DNM1: variants seen among roughly 807,000 people sequenced by gnomAD.
DNM1 encodes the protein dynamin-1.
In DNM1, 29 loss-of-function variants were observed where a neutral mutation model predicts 104.6. That is an observed-to-expected ratio of 0.28 (90% CI 0.21 to 0.38). DNM1 has a LOEUF of 0.38. DNM1 is among the 10% of genes least tolerant of loss of function. The pLI, the probability that DNM1 is intolerant of heterozygous loss-of-function variation, is 1.00. For missense variants in DNM1, 640 were observed against 1,189.4 expected (o/e 0.54, Z 6.79); for synonymous variants, 445 against 475.8 (o/e 0.94, Z 0.84).
chr9:128,254,384 G>C lies in DNM1; in HGVS notation c.2535-270G>C. The C allele has an allele frequency of 7.1e-7, 1 of 1,410,668 alleles. No homozygotes were observed. The highest frequency in any genetic ancestry group is 9.2e-7 in the Non-Finnish European group (1 of 1,090,602). 87.4% of individuals were successfully genotyped at this position (1,410,668 alleles called of 1,614,324 possible). ...TGCGGGTGCCCTGCCTGGGTGCCGT[G>C]TGAGAGGCCAGCGTGTGTGGGGTGG... On this transcript the variant is annotated intron_variant, in intron 21 of 21. Coordinates refer to ENST00000372923, the MANE Select transcript of DNM1 (RefSeq NM_004408.4). This position sits in a 1 kb window ranked among gnomAD's most constrained non-coding sequence, Gnocchi z 6.1.
At position 128,250,309 on chromosome 9, in the gene DNM1, C is replaced by T. The variant is rs762520472; in HGVS notation, c.2271C>T (p.Pro757=). The change falls in exon 20 of 22, where the codon CCC becomes CCT. Residue 757 remains proline (P), a synonymous_variant. Transcript: ENST00000372923. ...TTTVSTPMPP[P]VDDSWLQVQS... ...CCGTCAGCACGCCCATGCCCCCGCC[C>T]GTGGACGACTCCTGGCTGCAGGTGC... The T allele has an allele frequency of 1.9e-6, 3 of 1,607,730 alleles. No homozygotes were observed. Among genetic ancestry groups the T allele is most frequent in the African/African-American group, 2.7e-5 (2 of 74,820 alleles).
Position 128,240,188 on chromosome 9 carries a change from G to A in DNM1, c.1557+192G>A, listed in dbSNP as rs740943. On this transcript the variant is annotated intron_variant, in intron 14 of 21. Transcript: ENST00000372923. The surrounding 1 kb of genome is among the most constrained non-coding windows in gnomAD (Gnocchi z 5.1). ...CATCCACCCGTCCATCTGTGTGCAC[G>A]AGCCAAGCACCTACTTCAGGCAGAG... Among the ~76,000 whole-genome samples the A allele has an allele frequency of 0.017, 2,654 of 152,266 alleles. 74 individuals carry two copies. Among genetic ancestry groups the A allele is most frequent in the African/African-American group, 0.06 (2,494 of 41,536 alleles).
chr9:128,246,890 G>T, intron 16 of DNM1: 1 of 273,622 alleles, frequency 3.7e-6, no homozygotes, highest in South Asian at 5.2e-5. Context: ...TGGAGCCAAA[G>T]GGCCCTAGTC....
chr9:128,226,283 C>A, intron 10 of DNM1: 1 of 1,490,386 alleles, frequency 6.7e-7, no homozygotes, highest in South Asian at 1.3e-5. Context: ...CCCGCAGGGA[C>A]CCAGCCCTAG....
intron 1 of DNM1, among the ~76,000 whole-genome samples, chr9:128,207,873 C>T (rs569791272): frequency 2.0e-5 from 3 of 152,016 alleles, no homozygotes; most frequent in African/African-American, 7.2e-5. Context: ...AGGATGGGGG[C>T]ACGGGTTGGG....
At chr9:128,215,589 G>A (rs2131136048) in intron 1 of DNM1, among the ~76,000 whole-genome samples, 1 of 152,290 alleles carries the variant, frequency 6.6e-6, no homozygotes, top group South Asian at 2.1e-4. Context: ...GGAGGCAGCA[G>A]GCAGCTGGCC....
intron 13 of DNM1, 24 bp from the exon 14 acceptor site, chr9:128,239,961 G>A (rs769649467): frequency 6.2e-7 from 1 of 1,614,070 alleles, no homozygotes; most frequent in Non-Finnish European, 8.5e-7. Context: ...GCCTCTCGTG[G>A]TTGCTATGGT....
At chr9:128,209,614 C>T (rs1043685102) in intron 1 of DNM1, among the ~76,000 whole-genome samples, 1 of 152,226 alleles carries the variant, frequency 6.6e-6, no homozygotes, top group African/African-American at 2.4e-5. Flanking sequence ...TTTCAGACTC[C>T]TTGGAGTTCC....
In DNM1 at chr9:128,246,422, T is replaced by C. The variant is rs1836817998; in HGVS notation, c.1700T>C (p.Val567Ala). ...EEKEKKYMLS[V>A]DNLKLRDVEK... ...AAAGAGAAGAAATACATGCTGTCTG[T>C]GGACAACCTCAAGCTGCGGGACGTG... The change falls in exon 16 of 22, where the codon GTG becomes GCG. Residue 567 changes from valine (V) to alanine (A), a missense_variant. Physicochemically the swap from Val to Ala is moderately conservative, Grantham distance 64. Transcript: ENST00000372923. The C allele has an allele frequency of 6.2e-6, 10 of 1,614,108 alleles. No homozygotes were observed. The East Asian group carries it at 2.0e-4, about 32-fold the overall frequency.
chr9:128,217,576 C>T (rs756528815), intron 1 of DNM1, among the ~76,000 whole-genome samples: 2 of 152,132 alleles, frequency 1.3e-5, no homozygotes, highest in Non-Finnish European at 2.9e-5. Context: ...GACACCCCGC[C>T]GGCTAATTTT....
intron 6 of DNM1, among the ~76,000 whole-genome samples, chr9:128,221,532 A>C (rs1835020319): frequency 6.6e-6 from 1 of 152,142 alleles, no homozygotes; most frequent in African/African-American, 2.4e-5. Context: ...AATGACCTTA[A>C]AGGAGGCTTT....
Position 128,203,721 on chromosome 9 carries a change from A to C in DNM1, c.161+90A>C. The C allele has an allele frequency of 1.6e-6, 2 of 1,241,810 alleles. No individual in the cohort carries two copies. Among genetic ancestry groups the C allele is most frequent in the Non-Finnish European group, 2.0e-6 (2 of 978,622 alleles). 76.9% of individuals were successfully genotyped at this position (1,241,810 alleles called of 1,614,324 possible). A position where few individuals can be genotyped will look rare whatever the true frequency, so the allele number is the denominator to read the frequency against. ...GGCACTGACGGCGCGGCGACCTCGC[A>C]GCCCCCGACGCTGCACCCGCGGCCG... On this transcript the variant is annotated intron_variant, in intron 1 of 21. Transcript: ENST00000372923. The surrounding 1 kb of genome is among the most constrained non-coding windows in gnomAD (Gnocchi z 5.3).
chr9:128,224,109 A>G lies in DNM1; in HGVS notation c.1197-142A>G, dbSNP rs1336237773. 4.7e-6 allele frequency: 5 copies of G among 1,060,232 alleles called. No homozygotes were observed. The Admixed American group carries it at 9.0e-5, about 19-fold the overall frequency. The allele number at this position is 1,060,232 out of a possible 1,614,324, so 65.7% of individuals were successfully genotyped here. A position where few individuals can be genotyped will look rare whatever the true frequency, so the allele number is the denominator to read the frequency against. On this transcript the variant is annotated intron_variant, in intron 9 of 21. Coordinates refer to ENST00000372923, the MANE Select transcript of DNM1 (RefSeq NM_004408.4). The surrounding 1 kb of genome is among the most constrained non-coding windows in gnomAD (Gnocchi z 4.3). Reference sequence around the variant, plus strand: ...TAGAACCCCTCCCTCCCATTTTACAACTGGGGACACTGAGGCCCAGAGAGG... The same window carrying G: ...TAGAACCCCTCCCTCCCATTTTACAGCTGGGGACACTGAGGCCCAGAGAGG...
rs1347642894 is a variant in DNM1 at position 128,245,625 on chromosome 9, C to T, written c.1672-769C>T. ...CTCTAGATAAATCAAACACACAGCC[C>T]ATTGTACCACGGTGTGCAGGTAAGA... On this transcript the variant is annotated intron_variant, in intron 15 of 21. Coordinates refer to ENST00000372923, the MANE Select transcript of DNM1 (RefSeq NM_004408.4). This position sits in a 1 kb window ranked among gnomAD's most constrained non-coding sequence, Gnocchi z 5.2. Among the ~76,000 whole-genome samples the T allele has an allele frequency of 6.6e-6, 1 of 152,112 alleles. No individual in the cohort carries two copies. The highest frequency in any genetic ancestry group is 1.5e-5 in the Non-Finnish European group (1 of 68,026).
intron 11 of DNM1, among the ~76,000 whole-genome samples, chr9:128,238,026 C>T (rs1836119611): frequency 1.3e-5 from 2 of 152,144 alleles, no homozygotes; most frequent in South Asian, 2.1e-4. Flanking sequence ...CCTCCTGCCT[C>T]GGCCTTCCAA....
chr9:128,225,532 C>G lies in DNM1; in HGVS notation c.1335+1143C>G, dbSNP rs114301985. Reference sequence around the variant, plus strand: ...AGGGAATGGTACTGAGGTTTGGAGTCAGGATGAAGCAAATTCTGGGACACT... The same window carrying G: ...AGGGAATGGTACTGAGGTTTGGAGTGAGGATGAAGCAAATTCTGGGACACT... On this transcript the variant is annotated intron_variant, in intron 10 of 21. Transcript: ENST00000372923. Among the ~76,000 whole-genome samples the G allele has an allele frequency of 6.9e-3, 1,051 of 152,294 alleles. 13 individuals carry two copies. The highest frequency in any genetic ancestry group is 0.024 in the African/African-American group (997 of 41,560).
chr9:128,247,353 C>T lies in DNM1; in HGVS notation c.1782-22C>T. 1 of 1,575,046 alleles carries T rather than the reference C, an allele frequency of 6.3e-7. No homozygotes were observed. Among genetic ancestry groups the T allele is most frequent in the Non-Finnish European group, 8.7e-7 (1 of 1,148,748 alleles). ...GGGTCAGACTTTGCCCATCTGCCCT[C>T]ACTGCCTGCCCTATCTTGCAGGAAT... is the stretch of plus-strand genomic sequence containing the variant. On this transcript the variant is annotated intron_variant, in intron 16 of 21. Coordinates refer to ENST00000372923, the MANE Select transcript of DNM1 (RefSeq NM_004408.4). This position sits in a 1 kb window ranked among gnomAD's most constrained non-coding sequence, Gnocchi z 5.1.
intron 10 of DNM1, chr9:128,233,636 TAG>T (rs1825428845): frequency 4.4e-6 from 1 of 226,442 alleles, no homozygotes; most frequent in African/African-American, 2.3e-5. Context: ...AGGCACAGGG[TAG>T]CCCTGAGTAT....
intron 14 of DNM1, among the ~76,000 whole-genome samples, chr9:128,241,420 T>C (rs1421797367): frequency 1.3e-5 from 2 of 152,204 alleles, no homozygotes; most frequent in African/African-American, 4.8e-5. Context: ...CTTAGCTTGT[T>C]ACTCTAGGCA....
Sources: gnomAD v4.1 joint callset for allele counts (sites outside exome capture counted in the v4.1 genomes callset) on GRCh38, gnomAD v4.1.1 for gene constraint, Gnocchi (gnomAD v3.1) non-coding constraint, MANE v1.5 for transcripts, NCBI Gene and HGNC (gene_info 2026-07-23, HGNC 2026-07-21) for gene names.